Variants in MORC1 observed in about 807,000 individuals in gnomAD.
The protein encoded by MORC1 is MORC family CW-type zinc finger 1, also known as MORC family CW-type zinc finger protein 1.
MORC1 carries 59 observed loss-of-function variants against 134.9 expected under a neutral mutation model. That is an observed-to-expected ratio of 0.44 (90% CI 0.35 to 0.54). The LOEUF (loss-of-function observed/expected upper bound fraction) is 0.54, where lower values mean the gene tolerates loss of function less well. Among genes scored for constraint, MORC1 ranks in the 20% least tolerant of loss-of-function variants. The pLI is 0.00. For synonymous variants in MORC1, 395 were observed against 391.7 expected (o/e 1.01, Z -0.10); for missense variants, 947 against 1,134.5 (o/e 0.83, Z 2.37).
chr3:109,058,210 A>G (rs1950004237), intron 12 of MORC1, among the ~76,000 whole-genome samples: 1 of 152,198 alleles, frequency 6.6e-6, no homozygotes, highest in Non-Finnish European at 1.5e-5. Flanking sequence ...GGTTTCAAAT[A>G]CAAGCCTGTC....
intron 24 of MORC1, among the ~76,000 whole-genome samples, chr3:108,975,880 C>G (rs1424825770): frequency 6.6e-6 from 1 of 152,096 alleles, no homozygotes; most frequent in Non-Finnish European, 1.5e-5. Flanking sequence ...TTATGTACCA[C>G]TAACTTAACA....
In MORC1 at chr3:109,061,499, T is replaced by C. The variant is rs147955936; in HGVS notation, c.966+489A>G. Among the ~76,000 whole-genome samples, 27 of 152,264 alleles carry C rather than the reference T, an allele frequency of 1.8e-4. No individual in the cohort carries two copies. The East Asian group carries it at 5.2e-3, about 29-fold the overall frequency. ...AAAAGAGCTTTGTAAGCTGGAAGCA[T>C]TCTTATTAATATTCATAATTACAGT... On this transcript the variant is annotated intron_variant, in intron 11 of 27. Coordinates refer to ENST00000232603, the MANE Select transcript of MORC1 (RefSeq NM_014429.4).
intron 23 of MORC1, among the ~76,000 whole-genome samples, chr3:108,984,053 G>A (rs2593956): frequency 0.13 from 19,269 of 151,994 alleles, 1,315 homozygotes; most frequent in Non-Finnish European, 0.15. Context: ...TTTGAGTGCT[G>A]GATTGACTCA....
intron 16 of MORC1, among the ~76,000 whole-genome samples, chr3:109,030,961 T>C (rs1380209992): frequency 2.0e-5 from 3 of 152,218 alleles, no homozygotes; most frequent in African/African-American, 7.2e-5. Flanking sequence ...CAAATATATA[T>C]ACATATCATG....
intron 21 of MORC1, among the ~76,000 whole-genome samples, chr3:108,997,404 T>C (rs1222264287): frequency 6.6e-6 from 1 of 152,046 alleles, no homozygotes; most frequent in Non-Finnish European, 1.5e-5. Flanking sequence ...TGGTGGTGCA[T>C]GTAATTCCAG....
rs79619634 is a variant in MORC1 at position 109,039,949 on chromosome 3, G to C, written c.1331-4481C>G. On this transcript the variant is annotated intron_variant, in intron 14 of 27. Transcript: ENST00000232603. ...TATGGAAACCAGACATTGAAGACTA[G>C]TGCATCCAAAAGCTGCTACATGTAG... Among the ~76,000 whole-genome samples the C allele has an allele frequency of 5.1e-3, 777 of 152,024 alleles. 17 individuals carry two copies. Among genetic ancestry groups the C allele is most frequent in the African/African-American group, 0.018 (746 of 41,460 alleles).
intron 3 of MORC1, among the ~76,000 whole-genome samples, chr3:109,108,003 C>G (rs1298068543): frequency 6.6e-6 from 1 of 152,086 alleles, no homozygotes; most frequent in East Asian, 1.9e-4. Flanking sequence ...TTGAGACCAG[C>G]CTGGCCAACA....
intron 8 of MORC1, among the ~76,000 whole-genome samples, chr3:109,089,257 A>G (rs1950672922): frequency 6.6e-6 from 1 of 152,152 alleles, no homozygotes; most frequent in African/African-American, 2.4e-5. Flanking sequence ...ATTCAGTGGC[A>G]TATCTTACAT....
chr3:108,990,686 C>T (rs1948026466), intron 21 of MORC1, among the ~76,000 whole-genome samples: 1 of 152,162 alleles, frequency 6.6e-6, no homozygotes, highest in South Asian at 2.1e-4. Flanking sequence ...TCTGCAAAGG[C>T]AGGGAGGATC....
intron 14 of MORC1, among the ~76,000 whole-genome samples, chr3:109,038,372 T>C (rs1407601653): frequency 1.3e-5 from 2 of 152,116 alleles, no homozygotes; most frequent in African/African-American, 4.8e-5. Flanking sequence ...AAACATTTTC[T>C]CCCATTCTGC....
chr3:108,969,887 A>G (rs770029041), intron 25 of MORC1, among the ~76,000 whole-genome samples, 165 bp from the exon 26 acceptor site: 1 of 152,262 alleles, frequency 6.6e-6, no homozygotes, highest in Non-Finnish European at 1.5e-5. Flanking sequence ...TAAATTAATT[A>G]ACTAAATTAT....
At chr3:109,076,398 C>T (rs919962102) in intron 8 of MORC1, among the ~76,000 whole-genome samples, 1 of 152,254 alleles carries the variant, frequency 6.6e-6, no homozygotes, top group South Asian at 2.1e-4. Flanking sequence ...ATTAGTTCAA[C>T]CATTGTGGAA....
intron 12 of MORC1, among the ~76,000 whole-genome samples, chr3:109,058,274 T>A (rs2107677075): frequency 6.6e-6 from 1 of 152,256 alleles, no homozygotes; most frequent in Non-Finnish European, 1.5e-5. Flanking sequence ...CTGTCTCATT[T>A]GAAAAATGGG....
At chr3:109,065,390 C>A (rs1424334481) in intron 9 of MORC1, among the ~76,000 whole-genome samples, 1 of 152,110 alleles carries the variant, frequency 6.6e-6, no homozygotes, top group East Asian at 1.9e-4. Context: ...CTTCTAGAAC[C>A]ATCTTCCCAC....
intron 8 of MORC1, among the ~76,000 whole-genome samples, chr3:109,092,204 G>C (rs1042766624): frequency 1.3e-5 from 2 of 152,104 alleles, no homozygotes; most frequent in Non-Finnish European, 2.9e-5. Flanking sequence ...CCCAGCATTT[G>C]TGGAACAGCC....
chr3:109,025,999 C>A (rs1201966539), intron 17 of MORC1, among the ~76,000 whole-genome samples: 1 of 152,176 alleles, frequency 6.6e-6, no homozygotes, highest in Non-Finnish European at 1.5e-5. Flanking sequence ...TACAGATACT[C>A]TGTATTTCCC....
chr3:109,033,032 A>C (rs1949275179), intron 15 of MORC1, among the ~76,000 whole-genome samples: 1 of 152,076 alleles, frequency 6.6e-6, no homozygotes, highest in Non-Finnish European at 1.5e-5. Flanking sequence ...TATTATTATT[A>C]TTATCTCAGT....
intron 8 of MORC1, among the ~76,000 whole-genome samples, chr3:109,070,434 T>C (rs1463857079): frequency 6.6e-6 from 1 of 152,194 alleles, no homozygotes; most frequent in Non-Finnish European, 1.5e-5. Context: ...GAAATCGCCA[T>C]GTCATTGTAT....
intron 6 of MORC1, among the ~76,000 whole-genome samples, chr3:109,096,936 A>G (rs939442607): frequency 1.3e-5 from 2 of 152,202 alleles, no homozygotes; most frequent in African/African-American, 2.4e-5. Context: ...AAATTAGAGA[A>G]CCACTTCCAG....
Sources: gnomAD v4.1 joint callset for allele counts (sites outside exome capture counted in the v4.1 genomes callset) on GRCh38, gnomAD v4.1.1 for gene constraint, MANE v1.5 for transcripts, NCBI Gene and HGNC (gene_info 2026-07-23, HGNC 2026-07-21) for gene names.